RHAG: variants seen among roughly 807,000 people sequenced by gnomAD.
RHAG encodes ammonium transporter Rh type A.
RHAG carries 25 observed loss-of-function variants against 42.4 expected under a neutral mutation model. The ratio of observed to expected loss-of-function variants is 0.59; its 90% CI spans 0.43 to 0.82. RHAG has a LOEUF of 0.82. Ranked by LOEUF, RHAG falls within the 40% of genes least tolerant of loss-of-function variation. The pLI is 0.00. For missense variants in RHAG, 483 were observed against 504.6 expected (o/e 0.96, Z 0.41); for synonymous variants, 182 against 177.7 (o/e 1.02, Z -0.19).
At chr6:49,607,112 G>A in intron 8 of RHAG, 38 bp downstream of exon 8, 2 of 1,526,110 alleles carry the variant, frequency 1.3e-6, no homozygotes, top group East Asian at 4.5e-5. Context: ...TAATCTGAGA[G>A]CATAAGATAC....
At chr6:49,614,916 T>G in intron 4 of RHAG, 63 bp from the exon 5 acceptor site, 1 of 1,414,336 alleles carries the variant, frequency 7.1e-7, no homozygotes, top group Non-Finnish European at 1.0e-6. Flanking sequence ...GAGGATGCAG[T>G]TTGCTTTATT....
chr6:49,619,875 A>G (rs935917664), intron 1 of RHAG, among the ~76,000 whole-genome samples: 5 of 152,192 alleles, frequency 3.3e-5, no homozygotes, highest in South Asian at 2.1e-4. Context: ...TCTTGATTGA[A>G]GGGGTTTGGA....
intron 1 of RHAG, 96 bp from the exon 2 acceptor site, chr6:49,619,458 G>A (rs2127353842): frequency 9.1e-7 from 1 of 1,102,798 alleles, no homozygotes; most frequent in Non-Finnish European, 1.3e-6. Context: ...TACCACCTTT[G>A]TATAACACAC....
rs1203798220 is a variant in RHAG at position 49,615,746 on chromosome 6, G to A, written c.518C>T (p.Thr173Met). ...AAAGTAGGCCCCAAAGGCATGGATC[G>A]TCATTGATGCTCCAATGTCAGAGGC... ...FKASDIGASM[T>M]IHAFGAYFGL... The change falls in exon 4 of 10, where the codon ACG (threonine) becomes ATG (methionine). Residue 173 changes from threonine to methionine, a missense_variant. By Grantham distance (81) the Thr-to-Met change is moderately conservative. Transcript: ENST00000371175. 1.2e-5 allele frequency: 19 copies of A among 1,613,940 alleles called. No individual in the cohort carries two copies. Among genetic ancestry groups the A allele is most frequent in the African/African-American group, 2.7e-5 (2 of 74,896 alleles).
Position 49,614,791 on chromosome 6 carries a change from T to G in RHAG, c.703A>C (p.Lys235Gln). 1.2e-6 allele frequency: 2 copies of G among 1,614,176 alleles called. No homozygotes were observed. The highest frequency in any genetic ancestry group is 1.7e-6 in the Non-Finnish European group (2 of 1,180,034). The change falls in exon 5 of 10, where the codon AAA (lysine) becomes CAA (glutamine). Residue 235 changes from lysine (K) to glutamine (Q), a missense_variant. Lys to Gln is a moderately conservative substitution (Grantham distance 53, BLOSUM62 1). Transcript: ENST00000371175. ...GTGTTTACAATGGCCCTGCACTGTT[T>G]GTCTCCAGGTTCAGCAATGGCCGAG... ...FNSAIAEPGD[K>Q]QCRAIVNTYF...
chr6:49,629,827 A>G (rs60066128), intron 1 of RHAG, among the ~76,000 whole-genome samples: 4,319 of 150,118 alleles, frequency 0.029, 221 homozygotes, highest in African/African-American at 0.1. Context: ...CGGCAGGGCC[A>G]GCCGGCTGCT....
chr6:49,620,125 T>C (rs1762728965), intron 1 of RHAG, among the ~76,000 whole-genome samples: 1 of 152,152 alleles, frequency 6.6e-6, no homozygotes, highest in African/African-American at 2.4e-5. Context: ...ATATTCAACT[T>C]GGTGTCTGGG....
rs762564427 is a variant in RHAG, at chr6:49,605,819, C to T, written c.1224G>A (p.Thr408=). ...CATGGAACTGATTGTCAAGTTATCT[C>T]GTCTTAGGGACCTTTAAAAAAACAA... ...DDSVYWKVPK[T]R is the part of the protein sequence containing the mutation. The change falls in exon 10 of 10, where the codon ACG becomes ACA. Residue 408 remains threonine, a synonymous_variant. Coordinates refer to ENST00000371175, the MANE Select transcript of RHAG (RefSeq NM_000324.3). The T allele has an allele frequency of 2.4e-5, 39 of 1,613,004 alleles. 1 individual carries two copies. The South Asian group carries it at 3.4e-4, about 14-fold the overall frequency.
Position 49,619,179 on chromosome 6 carries a change from T to C in RHAG, c.341A>G (p.Asn114Ser). The C allele has an allele frequency of 1.2e-6, 2 of 1,613,964 alleles. No homozygotes were observed. The highest frequency in any genetic ancestry group is 1.1e-5 in the South Asian group (1 of 91,072). ...TTCAGCCCACAGTAAGGATGCTCAC[T>C]TTTTGATTCCAATGTTAAATTTCTG... ...QGQKFNIGIK[N>S]MINADFSAAT... The change falls in exon 2 of 10, where the codon AAC becomes AGC. Residue 114 changes from asparagine (N) to serine (S), a missense_variant and splice_region_variant. By Grantham distance (46) the Asn-to-Ser change is conservative. Coordinates refer to ENST00000371175, the MANE Select transcript of RHAG (RefSeq NM_000324.3).
At chr6:49,609,678 A>C (rs1240357011) in intron 7 of RHAG, among the ~76,000 whole-genome samples, 1 of 152,250 alleles carries the variant, frequency 6.6e-6, no homozygotes, top group Non-Finnish European at 1.5e-5. Flanking sequence ...CAAACTACTT[A>C]GTAGGAAATA....
chr6:49,608,083 G>A (rs912331845), intron 7 of RHAG, among the ~76,000 whole-genome samples: 1 of 152,028 alleles, frequency 6.6e-6, no homozygotes, highest in Admixed American at 6.6e-5. Flanking sequence ...AAGCAGAAAA[G>A]TTTAATATCC....
chr6:49,625,136 C>T (rs1762824887), intron 1 of RHAG, among the ~76,000 whole-genome samples: 1 of 152,224 alleles, frequency 6.6e-6, no homozygotes, highest in Non-Finnish European at 1.5e-5. Context: ...AATACATTCT[C>T]ACCCTTTAAA....
At chr6:49,628,933 G>T (rs1451010574) in intron 1 of RHAG, among the ~76,000 whole-genome samples, 2 of 152,158 alleles carry the variant, frequency 1.3e-5, no homozygotes, top group East Asian at 1.9e-4. Flanking sequence ...ACCAGAGTGG[G>T]TTGCCACTGC....
chr6:49,619,216 G>T lies in RHAG; in HGVS notation c.304C>A (p.Gln102Lys), dbSNP rs890327240. The T allele has an allele frequency of 1.2e-5, 20 of 1,614,074 alleles. No individual in the cohort carries two copies. Among genetic ancestry groups the T allele is most frequent in the Non-Finnish European group, 1.7e-5 (20 of 1,179,970 alleles). ...QWGTIVQGIL[Q>K]SQGQKFNIGI... ...ATGTTAAATTTCTGTCCCTGGCTTT[G>T]CAGGATTCCCTGTACAATAGTGCCC... Residue 102 changes from glutamine (Q) to lysine (K), a missense_variant, in exon 2 of 10, where the codon CAA becomes AAA. Transcript: ENST00000371175.
chr6:49,613,170 A>T (rs921538374), intron 5 of RHAG, among the ~76,000 whole-genome samples: 1 of 151,748 alleles, frequency 6.6e-6, no homozygotes, highest in Non-Finnish European at 1.5e-5. Flanking sequence ...CCTGGGTTCA[A>T]GTGATTCTCC....
chr6:49,607,783 T>C (rs962398261), intron 7 of RHAG, among the ~76,000 whole-genome samples: 19 of 152,212 alleles, frequency 1.2e-4, no homozygotes, highest in African/African-American at 4.3e-4. Flanking sequence ...AGGTGTTATA[T>C]GAATGACAAA....
chr6:49,620,265 G>A (rs1262187326), intron 1 of RHAG, among the ~76,000 whole-genome samples: 2 of 152,216 alleles, frequency 1.3e-5, no homozygotes, highest in Admixed American at 1.3e-4. Context: ...TAATCCAAGT[G>A]GGATCACCTG....
intron 1 of RHAG, 47 bp downstream of exon 1, chr6:49,636,609 A>G (rs1163297049): frequency 6.3e-7 from 1 of 1,590,320 alleles, no homozygotes. Context: ...ATTCTGAGAA[A>G]CCGAAGAACC....
chr6:49,627,264 C>T (rs1284721087), intron 1 of RHAG, among the ~76,000 whole-genome samples: 1 of 152,188 alleles, frequency 6.6e-6, no homozygotes, highest in Non-Finnish European at 1.5e-5. Flanking sequence ...GAATGCTTTG[C>T]TGCTAAGAAA....
Sources: gnomAD v4.1 joint callset for allele counts (sites outside exome capture counted in the v4.1 genomes callset) on GRCh38, gnomAD v4.1.1 for gene constraint, MANE v1.5 for transcripts, NCBI Gene and HGNC (gene_info 2026-07-23, HGNC 2026-07-21) for gene names.